The following KPNA3 variants were observed in gnomAD, a reference collection of about 807,000 sequenced individuals.
KPNA3 encodes karyopherin subunit alpha 3.
In KPNA3, 13 loss-of-function variants were observed where a neutral mutation model predicts 73.8. The observed-to-expected ratio is 0.18, with a 90% confidence interval of 0.11 to 0.28. The LOEUF (loss-of-function observed/expected upper bound fraction) is 0.28, where lower values mean the gene tolerates loss of function less well. Among genes scored for constraint, KPNA3 ranks in the 10% least tolerant of loss-of-function variants. KPNA3 has a pLI of 1.00. For synonymous variants in KPNA3, 186 were observed against 206.9 expected (o/e 0.90, Z 0.87); for missense variants, 360 against 618.1 (o/e 0.58, Z 4.43).
chr13:49,712,090 G>A (rs904880490), intron 10 of KPNA3, among the ~76,000 whole-genome samples: 9 of 152,180 alleles, frequency 5.9e-5, no homozygotes, highest in Admixed American at 2.0e-4. Flanking sequence ...CCTGCTGGAG[G>A]TGTCTGCAGA....
At chr13:49,734,131 G>A (rs928414234) in intron 2 of KPNA3, among the ~76,000 whole-genome samples, 1 of 152,114 alleles carries the variant, frequency 6.6e-6, no homozygotes, top group Non-Finnish European at 1.5e-5. Flanking sequence ...TTTTGTTGTT[G>A]TTCCTTCTCT....
At chr13:49,776,349 GC>G (rs919093630) in intron 1 of KPNA3, among the ~76,000 whole-genome samples, 4 of 152,134 alleles carry the variant, frequency 2.6e-5, no homozygotes, top group Non-Finnish European at 5.9e-5. Context: ...ACTTTAAATT[GC>G]CCAAGAGCAG....
At chr13:49,785,550 GT>G (rs1458618352) in intron 1 of KPNA3, among the ~76,000 whole-genome samples, 2 of 152,284 alleles carry the variant, frequency 1.3e-5, no homozygotes, top group East Asian at 3.9e-4. Flanking sequence ...TGAAATTTAA[GT>G]CCCCGCACAT....
At chr13:49,726,301 T>C (rs1954408707) in intron 6 of KPNA3, among the ~76,000 whole-genome samples, 1 of 152,178 alleles carries the variant, frequency 6.6e-6, no homozygotes, top group Admixed American at 6.5e-5. Context: ...AACAAGATCA[T>C]TATATTTTCG....
intron 10 of KPNA3, among the ~76,000 whole-genome samples, chr13:49,716,754 T>A (rs1462273369): frequency 6.6e-6 from 1 of 152,154 alleles, no homozygotes; most frequent in Non-Finnish European, 1.5e-5. Flanking sequence ...ATACTACTTT[T>A]AAAAACTCCT....
chr13:49,762,213 C>T (rs1315662221), intron 1 of KPNA3, among the ~76,000 whole-genome samples: 2 of 150,554 alleles, frequency 1.3e-5, no homozygotes, highest in African/African-American at 2.4e-5. Context: ...GGGCAGCCCC[C>T]GCCCGGCCAG....
intron 1 of KPNA3, among the ~76,000 whole-genome samples, chr13:49,762,171 C>T (rs1485969094): frequency 5.3e-5 from 8 of 150,438 alleles, no homozygotes; most frequent in Non-Finnish European, 4.4e-5. Context: ...AGCCCCCGCC[C>T]GGCCAGCCGC....
At chr13:49,726,725 T>C (rs1954413188) in intron 6 of KPNA3, among the ~76,000 whole-genome samples, 1 of 151,488 alleles carries the variant, frequency 6.6e-6, no homozygotes, top group African/African-American at 2.4e-5. Flanking sequence ...GGCAGATCGC[T>C]TGAGCCAAAA....
intron 12 of KPNA3, among the ~76,000 whole-genome samples, chr13:49,707,121 A>G (rs868455438): frequency 6.6e-6 from 1 of 152,204 alleles, no homozygotes; most frequent in African/African-American, 2.4e-5. Context: ...TAATTTTAAA[A>G]AATATTTACT....
At chr13:49,739,662 C>T (rs1300951386) in intron 2 of KPNA3, among the ~76,000 whole-genome samples, 1 of 152,136 alleles carries the variant, frequency 6.6e-6, no homozygotes, top group Non-Finnish European at 1.5e-5. Flanking sequence ...GAAGTGTGAT[C>T]CTTACACTAG....
intron 1 of KPNA3, among the ~76,000 whole-genome samples, chr13:49,772,969 G>A (rs1180013515): frequency 6.6e-6 from 1 of 152,086 alleles, no homozygotes; most frequent in South Asian, 2.1e-4. Flanking sequence ...CCAAAAACTA[G>A]TAACAACTCA....
intron 11 of KPNA3, among the ~76,000 whole-genome samples, chr13:49,709,994 G>A (rs1367389479): frequency 6.6e-6 from 1 of 152,202 alleles, no homozygotes; most frequent in Non-Finnish European, 1.5e-5. Flanking sequence ...GGGCATGGTG[G>A]CTCATGCCTA....
intron 10 of KPNA3, among the ~76,000 whole-genome samples, chr13:49,714,789 A>G (rs1954290558): frequency 6.6e-6 from 1 of 152,100 alleles, no homozygotes; most frequent in African/African-American, 2.4e-5. Flanking sequence ...TAAATTTAAT[A>G]TTAATATTTG....
chr13:49,706,392 AG>A lies in KPNA3; in HGVS notation c.1033-21del, dbSNP rs1566331804. ...TGCTTCCTATAATTGAACAAAATAT[AG>A]GGCACCTTTATTTGAAAAATAATAC... On this transcript the variant is annotated intron_variant, in intron 12 of 16. Coordinates refer to ENST00000261667, the MANE Select transcript of KPNA3 (RefSeq NM_002267.4). 6.5e-6 allele frequency: 10 copies of A among 1,539,402 alleles called. No homozygotes were observed. The South Asian group carries it at 1.1e-4, about 18-fold the overall frequency.
chr13:49,736,991 T>C (rs1212698917), intron 2 of KPNA3, among the ~76,000 whole-genome samples: 4 of 152,228 alleles, frequency 2.6e-5, no homozygotes, highest in East Asian at 1.9e-4. Flanking sequence ...TTTATATAAA[T>C]TGTTGCTTGT....
chr13:49,776,793 A>G (rs9526600), intron 1 of KPNA3, among the ~76,000 whole-genome samples: 45,427 of 152,114 alleles, frequency 0.3, 7,038 homozygotes, highest in Non-Finnish European at 0.34. Flanking sequence ...TTATTTATGC[A>G]TAATCTAAAA....
intron 1 of KPNA3, among the ~76,000 whole-genome samples, chr13:49,779,384 A>G (rs1439204812): frequency 1.3e-5 from 2 of 152,186 alleles, no homozygotes; most frequent in African/African-American, 4.8e-5. Context: ...GAGGCCACTA[A>G]GTATAATTTG....
chr13:49,721,907 C>CA, intron 9 of KPNA3, 48 bp downstream of exon 9: 1 of 1,306,562 alleles, frequency 7.7e-7, no homozygotes, highest in Non-Finnish European at 1.0e-6. Context: ...TCCTGAAGTA[C>CA]AAACATAGGG....
Position 49,773,936 on chromosome 13 carries a change from T to C in KPNA3, c.69+18502A>G, listed in dbSNP as rs115200457. ...ATAGTCATCTTTTTGAGACAGCTCT[T>C]GCTCTGTCACCCAGTCTGGAATGCA... On this transcript the variant is annotated intron_variant, in intron 1 of 16. Transcript: ENST00000261667. 4.3e-3 allele frequency among the ~76,000 whole-genome samples: 654 copies of C among 152,270 alleles called. 5 individuals are homozygous for C. The highest frequency in any genetic ancestry group is 0.015 in the African/African-American group (619 of 41,548).
Sources: gnomAD v4.1 joint callset for allele counts (sites outside exome capture counted in the v4.1 genomes callset) on GRCh38, gnomAD v4.1.1 for gene constraint, MANE v1.5 for transcripts, NCBI Gene and HGNC (gene_info 2026-07-23, HGNC 2026-07-21) for gene names.